Variants in RFTN1 observed in about 807,000 individuals in gnomAD.
RFTN1 encodes the protein raftlin.
A neutral mutation model predicts 46.5 loss-of-function variants in RFTN1; 26 were observed. The ratio of observed to expected loss-of-function variants is 0.56; its 90% confidence interval spans 0.41 to 0.78. The LOEUF (loss-of-function observed/expected upper bound fraction) is 0.78. RFTN1 is among the 30% of genes least tolerant of loss of function. The pLI is 0.00. For missense variants in RFTN1, 693 were observed against 718.7 expected, an observed-to-expected ratio of 0.96 and a Z score of 0.41; for synonymous variants, 261 against 284.2, an observed-to-expected ratio of 0.92 and a Z score of 0.82.
chr3:16,473,770 C>T lies in RFTN1; in HGVS notation c.145+19955G>A, dbSNP rs2076238548. Among the ~76,000 whole-genome samples the T allele has an allele frequency of 6.6e-6, 1 of 151,076 alleles. No homozygotes were observed. The highest frequency in any genetic ancestry group is 1.9e-4 in the East Asian group (1 of 5,172). ...GGCATTTTTACTTTCTTCCACCCTG[C>T]TGGCTACTCCCTCAGAGACGGAGAG... On this transcript the variant is annotated intron_variant, in intron 2 of 9. Transcript: ENST00000334133. This position sits in a 1 kb window ranked among gnomAD's most constrained non-coding sequence, Gnocchi z 5.3.
At chr3:16,391,873 TTTTTTTTTG>T (rs1403877248) in intron 4 of RFTN1, among the ~76,000 whole-genome samples, 6,535 of 32,338 alleles carry the variant, frequency 0.2, 461 homozygotes, top group African/African-American at 0.37. Flanking sequence ...TTTTTTGTTT[TTTTTTTTTG>T]TTTTTTTTTT....
At position 16,481,687 on chromosome 3, in the gene RFTN1, G is replaced by A. The variant is rs1264998288; in HGVS notation, c.145+12038C>T. On this transcript the variant is annotated intron_variant, in intron 2 of 9. Transcript: ENST00000334133. This position sits in a 1 kb window ranked among gnomAD's most constrained non-coding sequence, Gnocchi z 5.1. ...ACAATTTATTAATGAACAGTGAAAA[G>A]AAACAGAAGCCAAAAGTGGGTCAGG... is the stretch of plus-strand genomic sequence containing the variant. Among the ~76,000 whole-genome samples, 2 of 152,150 alleles carry A rather than the reference G, an allele frequency of 1.3e-5. No individual in the cohort carries two copies. Among genetic ancestry groups the A allele is most frequent in the African/African-American group, 4.8e-5 (2 of 41,422 alleles).
At position 16,434,070 on chromosome 3, in the gene RFTN1, C is replaced by A. The variant is rs1291656211; in HGVS notation, c.146-33G>T. ...GGAGAGAGGAGAGGCTCATCAAAGA[C>A]CCATCACAACGCCCACTCAGCCCTG... On this transcript the variant is annotated intron_variant, in intron 2 of 9. Coordinates refer to ENST00000334133, the MANE Select transcript of RFTN1 (RefSeq NM_015150.2). The A allele has an allele frequency of 2.6e-6, 4 of 1,520,410 alleles. No individual in the cohort carries two copies. The Middle Eastern group carries it at 7.2e-4, about 274-fold the overall frequency. 94.2% of individuals were successfully genotyped at this position (1,520,410 alleles called of 1,614,324 possible).
intron 2 of RFTN1, among the ~76,000 whole-genome samples, chr3:16,488,807 A>G (rs1216094075): frequency 6.6e-6 from 1 of 152,244 alleles, no homozygotes; most frequent in Non-Finnish European, 1.5e-5. Context: ...GCAAAAAGAA[A>G]TGAGTGTATC....
chr3:16,399,212 G>T (rs2074544991), intron 4 of RFTN1, among the ~76,000 whole-genome samples: 1 of 151,826 alleles, frequency 6.6e-6, no homozygotes, highest in South Asian at 2.1e-4. Flanking sequence ...TTATATTAAG[G>T]AGAACAATGA....
At chr3:16,406,340 G>A (rs753262073) in intron 4 of RFTN1, among the ~76,000 whole-genome samples, 7 of 152,208 alleles carry the variant, frequency 4.6e-5, no homozygotes, top group Non-Finnish European at 8.8e-5. Context: ...CAATGACAGC[G>A]AGAAATGCTA....
intron 2 of RFTN1, among the ~76,000 whole-genome samples, chr3:16,464,902 T>G (rs959592649): frequency 2.0e-5 from 3 of 152,216 alleles, no homozygotes; most frequent in African/African-American, 7.2e-5. Context: ...ACACATTCAG[T>G]GACTCGCAAG....
At chr3:16,358,418 A>G (rs1448048810) in intron 6 of RFTN1, among the ~76,000 whole-genome samples, 1 of 149,034 alleles carries the variant, frequency 6.7e-6, no homozygotes, top group East Asian at 2.0e-4. Flanking sequence ...AGCAAACTAT[A>G]TTTAGGTGAG....
intron 4 of RFTN1, among the ~76,000 whole-genome samples, chr3:16,392,622 T>C (rs2074377865): frequency 6.7e-6 from 1 of 148,796 alleles, no homozygotes; most frequent in African/African-American, 2.5e-5. Context: ...CATATATAAG[T>C]ATATATTACT....
chr3:16,490,105 C>T (rs979653721), intron 2 of RFTN1, among the ~76,000 whole-genome samples: 3 of 151,960 alleles, frequency 2.0e-5, no homozygotes, highest in African/African-American at 4.8e-5. Context: ...TACTAGGACC[C>T]GACTATGCAA....
At chr3:16,331,530 T>C (rs1452736977) in intron 7 of RFTN1, among the ~76,000 whole-genome samples, 1 of 152,228 alleles carries the variant, frequency 6.6e-6, no homozygotes, top group African/African-American at 2.4e-5. Flanking sequence ...GAGTTAATTA[T>C]TACCTCCATT....
chr3:16,464,261 C>A (rs2076053171), intron 2 of RFTN1, among the ~76,000 whole-genome samples: 1 of 152,122 alleles, frequency 6.6e-6, no homozygotes, highest in African/African-American at 2.4e-5. Context: ...TCCGTCCAAG[C>A]AAAGCCCAGG....
At chr3:16,420,971 T>A (rs1325233032) in intron 3 of RFTN1, among the ~76,000 whole-genome samples, 1 of 152,160 alleles carries the variant, frequency 6.6e-6, no homozygotes, top group African/African-American at 2.4e-5. Flanking sequence ...GTAGCAAGAT[T>A]CCGACTGCTT....
intron 2 of RFTN1, among the ~76,000 whole-genome samples, chr3:16,464,922 G>A (rs1459953383): frequency 1.3e-5 from 2 of 152,202 alleles, no homozygotes; most frequent in Non-Finnish European, 2.9e-5. Context: ...GTTAACTTTG[G>A]AGAGAAGATT....
Position 16,410,259 on chromosome 3 carries a change from A to ACAC in RFTN1, c.333-777_333-776insGTG, listed in dbSNP as rs1491330219. Reference sequence around the variant, plus strand: ...CACACACACACACACACACACACACAAACTCTCACTCCAGTAATGTCTATG... The same window carrying ACAC: ...CACACACACACACACACACACACACACACAACTCTCACTCCAGTAATGTCTATG... On this transcript the variant is annotated intron_variant, in intron 3 of 9. Transcript: ENST00000334133. This position sits in a 1 kb window ranked among gnomAD's most constrained non-coding sequence, Gnocchi z 4.6. Among the ~76,000 whole-genome samples, 1 of 124,800 alleles carries ACAC rather than the reference A, an allele frequency of 8.0e-6. No homozygotes were observed. Among genetic ancestry groups the ACAC allele is most frequent in the Non-Finnish European group, 1.7e-5 (1 of 57,574 alleles). The allele number at this position is 124,800 out of a possible 152,430, so 81.9% of individuals were successfully genotyped here.
Position 16,450,117 on chromosome 3 carries a change from T to C in RFTN1, c.146-16080A>G, listed in dbSNP as rs1022420363. Among the ~76,000 whole-genome samples, 3 of 152,204 alleles carry C rather than the reference T, an allele frequency of 2.0e-5. No homozygotes were observed. Among genetic ancestry groups the C allele is most frequent in the African/African-American group, 7.2e-5 (3 of 41,448 alleles). On this transcript the variant is annotated intron_variant, in intron 2 of 9. Transcript: ENST00000334133. The surrounding 1 kb of genome is among the most constrained non-coding windows in gnomAD (Gnocchi z 4.6). ...ATCCATCCCAATTTGTAAAATTAAA[T>C]GTGCAAACAGAAAATATTTCTCTGA... is the stretch of plus-strand genomic sequence containing the variant.
At chr3:16,362,413 AATCAC>A (rs1306270306) in intron 6 of RFTN1, among the ~76,000 whole-genome samples, 7 of 152,246 alleles carry the variant, frequency 4.6e-5, no homozygotes, top group Non-Finnish European at 7.3e-5. Flanking sequence ...TCTGCAGCTA[AATCAC>A]ATCACAAGTA....
intron 6 of RFTN1, among the ~76,000 whole-genome samples, chr3:16,358,924 T>G (rs1349411902): frequency 6.7e-6 from 1 of 148,510 alleles, no homozygotes; most frequent in Non-Finnish European, 1.5e-5. Context: ...CCCAGCTACT[T>G]GGGAGGCTGA....
intron 2 of RFTN1, among the ~76,000 whole-genome samples, chr3:16,444,038 T>C (rs1222244321): frequency 6.6e-6 from 1 of 152,202 alleles, no homozygotes; most frequent in East Asian, 1.9e-4. Flanking sequence ...CCTGGAGTAT[T>C]AATACAATAT....
Sources: allele counts gnomAD v4.1 joint callset (sites outside exome capture counted in the v4.1 genomes callset), GRCh38; gene constraint gnomAD v4.1.1; non-coding constraint Gnocchi (gnomAD v3.1); transcripts MANE v1.5; gene names NCBI Gene and HGNC (gene_info 2026-07-23, HGNC 2026-07-21).